The following SCART1 variants were observed in gnomAD, a reference collection of about 807,000 sequenced individuals.
SCART1 encodes the protein scavenger receptor cysteine-rich domain-containing protein SCART1.
Under a neutral mutation model 36.2 loss-of-function variants are expected in SCART1, and 62 were observed. That is an observed-to-expected ratio of 1.71 (90% confidence interval 1.40 to 2.12). The LOEUF is 2.12. Among genes scored for constraint, SCART1 ranks in the 30% most tolerant of loss-of-function variants. The pLI is 0.00. For synonymous variants in SCART1, 487 were observed against 238.7 expected (o/e 2.04, Z -9.59); for missense variants, 1,041 against 540.5 (o/e 1.93, Z -9.18).
chr10:133,460,180 C>A lies in SCART1; in HGVS notation c.1969+10C>A. On this transcript the variant is annotated intron_variant, in intron 6 of 11. Coordinates refer to ENST00000640237, the Ensembl canonical transcript of SCART1. Reference sequence around the variant, plus strand: ...GGCGTCTTCTGCTCAGGTGAGCGGCCGTTGGGTATGGAATGATCATGCTGT... The same window carrying A: ...GGCGTCTTCTGCTCAGGTGAGCGGCAGTTGGGTATGGAATGATCATGCTGT... The A allele has an allele frequency of 2.1e-6, 1 of 485,226 alleles. No homozygotes were observed. The highest frequency in any genetic ancestry group is 3.6e-6 in the Non-Finnish European group (1 of 277,198). 30.1% of individuals were successfully genotyped at this position (485,226 alleles called of 1,614,324 possible).
intron 8 of SCART1, 26 bp from the exon 9 acceptor site, chr10:133,465,225 C>G (rs774714105): frequency 1.4e-6 from 1 of 701,346 alleles, no homozygotes. Context: ...GTCCAGCCCC[C>G]GCAGTGACCG....
chr10:133,467,933 G>C lies in SCART1; in HGVS notation c.3049G>C (p.Glu1017Gln), dbSNP rs966098209. Residue 1017 changes from glutamate to glutamine, a missense_variant, in exon 12 of 12, where the codon GAG (glutamate) becomes CAG (glutamine). Glu to Gln is a conservative substitution (Grantham distance 29). Transcript: ENST00000640237. ...CAGACCTGTTTCTCAGGGATATGAC[G>C]AGGCTGCGTTTCCTCTGGAGGAGAT... 1.4e-5 allele frequency: 10 copies of C among 698,738 alleles called. No homozygotes were observed. In the Admixed American group the frequency reaches 1.8e-4, roughly 13 times the overall value. The allele number at this position is 698,738 out of a possible 1,614,324, so 43.3% of individuals were successfully genotyped here.
chr10:133,464,842 G>A (rs1380702027), exon 7 of SCART1: 3 of 702,764 alleles, frequency 4.3e-6, no homozygotes, highest in Non-Finnish European at 7.8e-6. Flanking sequence ...GCCGCAGGCT[G>A]CCCAACTCCA....
intron 6 of SCART1, 70 bp from the exon 7 acceptor site, chr10:133,464,536 C>G (rs1193553620): frequency 4.9e-6 from 3 of 607,432 alleles, no homozygotes; most frequent in Non-Finnish European, 8.8e-6. Flanking sequence ...TGAGCTTAGC[C>G]CCCTCCTTCT....
chr10:133,462,674 C>A (rs1042604500), intron 6 of SCART1, among the ~76,000 whole-genome samples: 1 of 152,196 alleles, frequency 6.6e-6, no homozygotes, highest in Non-Finnish European at 1.5e-5. Context: ...TCCCTTAGTG[C>A]CTTCAGTCAC....
chr10:133,457,557 G>A (rs547255408), exon 3 of SCART1: 155 of 700,780 alleles, frequency 2.2e-4, no homozygotes, highest in Middle Eastern at 4.6e-4. Flanking sequence ...GCGGCTGGAC[G>A]CAGAGGTGGT....
intron 6 of SCART1, among the ~76,000 whole-genome samples, chr10:133,463,012 A>T (rs532538347): frequency 4.6e-5 from 7 of 152,186 alleles, no homozygotes; most frequent in African/African-American, 1.7e-4. Flanking sequence ...TTCATACCCA[A>T]TGTTCTCCAA....
exon 6 of SCART1, chr10:133,459,725 C>G (rs1164027045): frequency 2.9e-6 from 2 of 700,046 alleles, no homozygotes; most frequent in Non-Finnish European, 5.2e-6. Context: ...GCACCGAAAC[C>G]CGCCTGACTC....
At position 133,456,626 on chromosome 10, in the gene SCART1, A is replaced by AG. The variant is rs1486565125; in HGVS notation, c.385+74dup. 8.3e-6 allele frequency: 5 copies of AG among 600,390 alleles called. No homozygotes were observed. In the African/African-American group the frequency reaches 9.2e-5, roughly 11 times the overall value. 37.2% of individuals were successfully genotyped at this position (600,390 alleles called of 1,614,324 possible). A position where few individuals can be genotyped will look rare whatever the true frequency, so the allele number is the denominator to read the frequency against. ...TGGGAGGACGAGGAGGAGGACTGGG[A>AG]GGACGCAGAGGAGGACTGGGAGGAT... is the stretch of plus-strand genomic sequence containing the variant. On this transcript the variant is annotated intron_variant, in intron 2 of 11. Transcript: ENST00000640237.
chr10:133,465,258 C>T (rs1158272252), exon 9 of SCART1: 1 of 693,762 alleles, frequency 1.4e-6, no homozygotes, highest in African/African-American at 1.8e-5. Context: ...CAGAGGAGGG[C>T]GCACTGCGCG....
At chr10:133,457,606 C>T in intron 3 of SCART1, 31 bp downstream of exon 3, 2 of 650,476 alleles carry the variant, frequency 3.1e-6, no homozygotes, top group South Asian at 1.7e-5. Context: ...TCCCAGTGAC[C>T]CTTGGGATGA....
chr10:133,462,458 A>T (rs1400873438), intron 6 of SCART1, among the ~76,000 whole-genome samples: 1 of 152,232 alleles, frequency 6.6e-6, no homozygotes, highest in Non-Finnish European at 1.5e-5. Flanking sequence ...CATGTTATTA[A>T]AATTTGAGTC....
exon 6 of SCART1, chr10:133,459,599 C>T: frequency 1.5e-6 from 1 of 670,772 alleles, no homozygotes; most frequent in Non-Finnish European, 2.7e-6. Context: ...GGGACCTGCG[C>T]GGCGCGGGCG....
rs1358999101 is a variant in SCART1 at position 133,468,709 on chromosome 10, A to G, written c.*741A>G. Reference sequence around the variant, plus strand: ...TTATCATAAGTGTTGACTTTTATCAAATTCTTTTTTGTATCTATTAAGATG... The same window carrying G: ...TTATCATAAGTGTTGACTTTTATCAGATTCTTTTTTGTATCTATTAAGATG... On this transcript the variant is annotated 3_prime_UTR_variant, in exon 12 of 12. Coordinates refer to ENST00000640237, the Ensembl canonical transcript of SCART1. 4.6e-5 allele frequency: 7 copies of G among 152,204 alleles called. 1 individual carries two copies. The highest frequency in any genetic ancestry group is 1.7e-4 in the African/African-American group (7 of 41,448). 9.4% of individuals were successfully genotyped at this position (152,204 alleles called of 1,614,324 possible). A position where few individuals can be genotyped will look rare whatever the true frequency, so the allele number is the denominator to read the frequency against.
exon 12 of SCART1, chr10:133,468,150 G>T: frequency 2.0e-6 from 1 of 490,666 alleles, no homozygotes; most frequent in Non-Finnish European, 3.7e-6. Context: ...CCCCTTCGAG[G>T]GCCATCTGCT....
At chr10:133,457,112 G>A in intron 2 of SCART1, 167 bp from the exon 3 acceptor site, 4 of 601,976 alleles carry the variant, frequency 6.6e-6, no homozygotes, top group African/African-American at 1.9e-5. Flanking sequence ...ATGAAGCTGG[G>A]CACAGGGGTC....
chr10:133,460,075 GCCAGGGCCA>G, exon 6 of SCART1: 2 of 513,920 alleles, frequency 3.9e-6, no homozygotes, highest in Non-Finnish European at 6.8e-6. Context: ...GAGCTGGGCT[GCCAGGGCCA>G]CGAGTCTGCG....
At position 133,458,355 on chromosome 10, in the gene SCART1, C is replaced by G. The variant is rs546134522; in HGVS notation, c.683-5C>G. 3 of 702,646 alleles carry G rather than the reference C, an allele frequency of 4.3e-6. No homozygotes were observed. The Admixed American group carries it at 6.0e-5, about 14-fold the overall frequency. The allele number at this position is 702,646 out of a possible 1,614,324, so 43.5% of individuals were successfully genotyped here. On this transcript the variant is annotated splice_region_variant and splice_polypyrimidine_tract_variant and intron_variant, in intron 3 of 11. Transcript: ENST00000640237. ...TCTCCTGCCTGAGAGGACGTCTGCC[C>G]CCAGGACACACCGAGGCCCGACTGG...
At chr10:133,459,570 C>A in exon 6 of SCART1, 1 of 679,478 alleles carries the variant, frequency 1.5e-6, no homozygotes, top group Non-Finnish European at 2.7e-6. Flanking sequence ...CGTGTGGGGC[C>A]GCGTCCTGGA....
Sources: gnomAD v4.1 joint callset for allele counts (sites outside exome capture counted in the v4.1 genomes callset) on GRCh38, gnomAD v4.1.1 for gene constraint, MANE v1.5 for transcripts, NCBI Gene and HGNC (gene_info 2026-07-23, HGNC 2026-07-21) for gene names.